The following PACRG variants were observed in gnomAD, a reference collection of about 807,000 sequenced individuals.
PACRG encodes parkin coregulated, also known as parkin coregulated gene protein.
In PACRG, 29 loss-of-function variants were observed where a neutral mutation model predicts 29.7. The ratio of observed to expected loss-of-function variants is 0.98; its 90% confidence interval spans 0.73 to 1.33. The LOEUF is 1.33. PACRG is among the 40% of genes most tolerant of loss of function. PACRG has a pLI of 0.00. For synonymous variants in PACRG, 116 were observed against 118.7 expected, an observed-to-expected ratio of 0.98 and a Z score of 0.15; for missense variants, 279 against 316.2, an observed-to-expected ratio of 0.88 and a Z score of 0.89.
chr6:163,021,924 C>G (rs1468093895), intron 2 of PACRG, among the ~76,000 whole-genome samples: 2 of 152,238 alleles, frequency 1.3e-5, no homozygotes, highest in Non-Finnish European at 2.9e-5. Context: ...ATAACATTCT[C>G]TTATAAAGAT....
Position 162,745,069 on chromosome 6 carries a change from A to T in PACRG, c.156+16678A>T, listed in dbSNP as rs976862655. 3.9e-5 allele frequency among the ~76,000 whole-genome samples: 6 copies of T among 152,180 alleles called. No individual in the cohort carries two copies. In the East Asian group the frequency reaches 1.2e-3, roughly 29 times the overall value. ...AAATATATATTTATACATTCAATGGATAACTTTCATATTTAATGGCCTTAA... is the reference window on the plus strand; with the variant it reads ...AAATATATATTTATACATTCAATGGTTAACTTTCATATTTAATGGCCTTAA... On this transcript the variant is annotated intron_variant, in intron 1 of 4. Transcript: ENST00000366888.
intron 2 of PACRG, among the ~76,000 whole-genome samples, chr6:162,995,115 C>A (rs1280033153): frequency 1.3e-5 from 2 of 150,802 alleles, no homozygotes; most frequent in African/African-American, 4.9e-5. Flanking sequence ...TCTCCAGCTG[C>A]GTGCTGGGAG....
At chr6:162,813,415 T>G (rs1787051980) in intron 1 of PACRG, among the ~76,000 whole-genome samples, 1 of 152,090 alleles carries the variant, frequency 6.6e-6, no homozygotes, top group Non-Finnish European at 1.5e-5. Flanking sequence ...ATCTAATGAA[T>G]TAGTTCCAAT....
chr6:162,964,843 GA>G (rs756778231), intron 2 of PACRG, among the ~76,000 whole-genome samples: 1 of 152,200 alleles, frequency 6.6e-6, no homozygotes, highest in Non-Finnish European at 1.5e-5. Flanking sequence ...TAAACAACAG[GA>G]ACTGGTATTT....
chr6:162,918,280 TG>T (rs1796833873), intron 2 of PACRG, among the ~76,000 whole-genome samples: 1 of 152,206 alleles, frequency 6.6e-6, no homozygotes, highest in Non-Finnish European at 1.5e-5. Context: ...ATAACGCCTC[TG>T]GAAGTGCATG....
intron 2 of PACRG, among the ~76,000 whole-genome samples, chr6:163,001,420 A>T (rs1457091058): frequency 6.6e-6 from 1 of 152,180 alleles, no homozygotes; most frequent in East Asian, 1.9e-4. Context: ...GTCCCATAAG[A>T]ACCAGGGTGA....
intron 1 of PACRG, among the ~76,000 whole-genome samples, chr6:162,730,675 T>C (rs1779696951): frequency 6.6e-6 from 1 of 152,178 alleles, no homozygotes; most frequent in Non-Finnish European, 1.5e-5. Context: ...TAAATGTAAA[T>C]GGCAAAATTT....
chr6:163,269,960 AAAGAAAG>A (rs753161021), intron 4 of PACRG, among the ~76,000 whole-genome samples: 3,284 of 79,438 alleles, frequency 0.041, 592 homozygotes, highest in Middle Eastern at 0.069. Flanking sequence ...AGAAAGAAAG[AAAGAAAG>A]AAAGAAAGAA....
At chr6:162,738,947 G>A (rs546312744) in intron 1 of PACRG, among the ~76,000 whole-genome samples, 24 of 152,206 alleles carry the variant, frequency 1.6e-4, no homozygotes, top group South Asian at 4.1e-4. Flanking sequence ...CTGAGGGTCC[G>A]TTAGGTTTCT....
intron 2 of PACRG, among the ~76,000 whole-genome samples, chr6:162,825,031 G>T (rs989479356): frequency 6.6e-6 from 1 of 152,104 alleles, no homozygotes; most frequent in Admixed American, 6.5e-5. Context: ...TTCAGGGAGT[G>T]CAGCTTGCTG....
intron 2 of PACRG, chr6:163,042,872 C>G (rs1808880113): frequency 6.6e-6 from 1 of 150,794 alleles, no homozygotes; most frequent in Non-Finnish European, 1.5e-5. Flanking sequence ...GTTATTTAAT[C>G]AGCTTATATA....
chr6:162,924,914 T>C (rs1797322237), intron 2 of PACRG, among the ~76,000 whole-genome samples: 1 of 151,820 alleles, frequency 6.6e-6, no homozygotes, highest in Non-Finnish European at 1.5e-5. Context: ...ATAGATAGAC[T>C]GCTAGCTAGA....
intron 4 of PACRG, among the ~76,000 whole-genome samples, chr6:163,158,525 A>G (rs1002945297): frequency 6.6e-6 from 1 of 152,210 alleles, no homozygotes; most frequent in African/African-American, 2.4e-5. Context: ...TTACAGTAGG[A>G]TGTGTGTCAT....
chr6:162,923,443 T>TA (rs1313958733), intron 2 of PACRG, among the ~76,000 whole-genome samples: 1 of 152,196 alleles, frequency 6.6e-6, no homozygotes, highest in Admixed American at 6.5e-5. Flanking sequence ...GCCAATTTCT[T>TA]AGAGCATTTT....
chr6:162,845,744 T>C (rs1479923164), intron 2 of PACRG, among the ~76,000 whole-genome samples: 3 of 152,210 alleles, frequency 2.0e-5, no homozygotes, highest in Non-Finnish European at 4.4e-5. Flanking sequence ...GAATCACATG[T>C]TTACAGTTTC....
At chr6:163,121,949 A>G (rs1317172394) in intron 4 of PACRG, among the ~76,000 whole-genome samples, 1 of 152,072 alleles carries the variant, frequency 6.6e-6, no homozygotes, top group African/African-American at 2.4e-5. Flanking sequence ...GGTGTGAGCC[A>G]CCACGCCTGG....
intron 4 of PACRG, among the ~76,000 whole-genome samples, chr6:163,291,527 C>T (rs1380409498): frequency 6.6e-6 from 1 of 152,274 alleles, no homozygotes. Flanking sequence ...GGGCCCGCCC[C>T]GTTTCCTCAG....
chr6:163,143,308 A>T (rs969118165), intron 4 of PACRG, among the ~76,000 whole-genome samples: 2 of 152,216 alleles, frequency 1.3e-5, no homozygotes, highest in African/African-American at 4.8e-5. Context: ...CAAACCACAA[A>T]GGGAAAGGTG....
At chr6:162,746,899 G>A (rs1401036172) in intron 1 of PACRG, among the ~76,000 whole-genome samples, 1 of 152,078 alleles carries the variant, frequency 6.6e-6, no homozygotes, top group Admixed American at 6.5e-5. Context: ...ATCACACTTG[G>A]CCTTCTTATT....
Sources: allele counts gnomAD v4.1 joint callset (sites outside exome capture counted in the v4.1 genomes callset), GRCh38; gene constraint gnomAD v4.1.1; transcripts MANE v1.5; gene names NCBI Gene and HGNC (gene_info 2026-07-23, HGNC 2026-07-21).